Variants in PTPRD observed in about 807,000 individuals in gnomAD.
PTPRD encodes the protein receptor-type tyrosine-protein phosphatase delta.
PTPRD carries 34 observed loss-of-function variants against 214.5 expected under a neutral mutation model. The observed-to-expected ratio is 0.16, with a 90% CI of 0.12 to 0.21. The LOEUF (loss-of-function observed/expected upper bound fraction) is 0.21, where lower values mean the gene tolerates loss of function less well. Among genes scored for constraint, PTPRD ranks in the 10% least tolerant of loss-of-function variants. PTPRD has a pLI of 1.00. For missense variants in PTPRD, 2,545 were observed against 2,398.7 expected, an observed-to-expected ratio of 1.06 and a Z score of -1.27; for synonymous variants, 1,128 against 845.7, an observed-to-expected ratio of 1.33 and a Z score of -5.79.
At chr9:9,666,395 C>T (rs866516044) in intron 7 of PTPRD, among the ~76,000 whole-genome samples, 1 of 151,818 alleles carries the variant, frequency 6.6e-6, no homozygotes, top group African/African-American at 2.4e-5. Context: ...GTATAACTTG[C>T]AAAATTTGTC....
At chr9:10,052,992 A>G (rs1029565962) in intron 3 of PTPRD, among the ~76,000 whole-genome samples, 1 of 152,196 alleles carries the variant, frequency 6.6e-6, no homozygotes, top group African/African-American at 2.4e-5. Flanking sequence ...ATAACTATCT[A>G]AGTGGCATTC....
intron 11 of PTPRD, among the ~76,000 whole-genome samples, chr9:8,786,500 T>A (rs1426099194): frequency 6.9e-6 from 1 of 145,776 alleles, no homozygotes; most frequent in Non-Finnish European, 1.5e-5. Context: ...AACCTTCGCT[T>A]CCCGGGTTCA....
In PTPRD at chr9:10,239,604, T is replaced by A. The variant is rs575235889; in HGVS notation, c.-545+101359A>T. Reference sequence around the variant, plus strand: ...CAAGTCTAATAGGGTTGATAACAGCTGTGATAGCAGAATAATAATAATGAA... The same window carrying A: ...CAAGTCTAATAGGGTTGATAACAGCAGTGATAGCAGAATAATAATAATGAA... On this transcript the variant is annotated intron_variant, in intron 3 of 45. Coordinates refer to ENST00000381196, the MANE Select transcript of PTPRD (RefSeq NM_002839.4). Among the ~76,000 whole-genome samples, 3 of 99,352 alleles carry A rather than the reference T, an allele frequency of 3.0e-5. No homozygotes were observed. The Admixed American group carries it at 3.1e-4, about 10-fold the overall frequency. The allele number at this position is 99,352 out of a possible 152,430, so 65.2% of individuals were successfully genotyped here. A position where few individuals can be genotyped will look rare whatever the true frequency, so the allele number is the denominator to read the frequency against.
chr9:9,572,848 C>A (rs924911829), intron 8 of PTPRD, among the ~76,000 whole-genome samples: 1 of 150,942 alleles, frequency 6.6e-6, no homozygotes, highest in African/African-American at 2.4e-5. Flanking sequence ...ATTATAATAC[C>A]CCTATTCACA....
At chr9:8,741,023 G>T (rs2091781411) in intron 11 of PTPRD, among the ~76,000 whole-genome samples, 1 of 152,138 alleles carries the variant, frequency 6.6e-6, no homozygotes. Context: ...TTTTTCTATA[G>T]TTTATGATTC....
chr9:10,052,234 C>A (rs989781140), intron 3 of PTPRD, among the ~76,000 whole-genome samples: 1 of 152,150 alleles, frequency 6.6e-6, no homozygotes, highest in African/African-American at 2.4e-5. Context: ...GCTGCTTCAC[C>A]TGCCTTTACA....
chr9:8,321,930 C>G (rs79080508), intron 44 of PTPRD, among the ~76,000 whole-genome samples: 2,303 of 152,126 alleles, frequency 0.015, 22 homozygotes, highest in African/African-American at 0.032. Flanking sequence ...TCCACCAGCA[C>G]ATACTTGGTT....
chr9:8,624,476 T>C (rs1179561698), intron 14 of PTPRD, among the ~76,000 whole-genome samples: 5 of 151,830 alleles, frequency 3.3e-5, no homozygotes, highest in Admixed American at 1.3e-4. Flanking sequence ...AATTACTATG[T>C]GCCTAGCACT....
At chr9:8,523,674 A>C in intron 18 of PTPRD, 150 bp from the exon 19 acceptor site, 9 of 800,954 alleles carry the variant, frequency 1.1e-5, no homozygotes, top group South Asian at 1.8e-5. Flanking sequence ...TTCCTATCTC[A>C]GCTGGAAAAG....
intron 4 of PTPRD, among the ~76,000 whole-genome samples, chr9:9,970,442 AAG>A (rs2095026807): frequency 1.8e-5 from 2 of 109,024 alleles, no homozygotes; most frequent in South Asian, 2.7e-4. Context: ...AAAAAAAAAA[AAG>A]AAAAAGAAAA....
At chr9:10,388,932 C>T (rs1483327672) in intron 2 of PTPRD, among the ~76,000 whole-genome samples, 2 of 151,736 alleles carry the variant, frequency 1.3e-5, no homozygotes, top group East Asian at 1.9e-4. Flanking sequence ...AGGTGTTAAA[C>T]ATCAAATGAA....
chr9:10,412,108 G>A (rs1340638772), intron 2 of PTPRD, among the ~76,000 whole-genome samples: 1 of 151,712 alleles, frequency 6.6e-6, no homozygotes, highest in African/African-American at 2.4e-5. Context: ...ATTAGAAACA[G>A]CCTGAGGGAA....
chr9:9,740,570 C>T (rs1453331730), intron 6 of PTPRD, among the ~76,000 whole-genome samples: 1 of 151,984 alleles, frequency 6.6e-6, no homozygotes, highest in Admixed American at 6.6e-5. Flanking sequence ...ACCGTGTTAG[C>T]CAGGATGGTC....
intron 3 of PTPRD, among the ~76,000 whole-genome samples, chr9:10,295,899 G>A (rs532135894): frequency 3.4e-4 from 52 of 152,110 alleles, no homozygotes; most frequent in African/African-American, 1.2e-3. Flanking sequence ...AGATGGAAGG[G>A]AGAGCAATTA....
At chr9:8,894,698 G>C (rs1234142905) in intron 11 of PTPRD, among the ~76,000 whole-genome samples, 1 of 152,162 alleles carries the variant, frequency 6.6e-6, no homozygotes, top group Non-Finnish European at 1.5e-5. Context: ...AACAAAGTGT[G>C]TGAAAATGCC....
chr9:8,783,979 G>C (rs2095841708), intron 11 of PTPRD, among the ~76,000 whole-genome samples: 1 of 152,104 alleles, frequency 6.6e-6, no homozygotes, highest in Admixed American at 6.5e-5. Context: ...CGAAAGGGTT[G>C]TGCGCCTGAC....
intron 11 of PTPRD, among the ~76,000 whole-genome samples, chr9:8,825,481 T>C (rs924658666): frequency 6.6e-6 from 1 of 152,292 alleles, no homozygotes; most frequent in East Asian, 1.9e-4. Context: ...CTCTAAATTT[T>C]TTTATAGGAG....
intron 8 of PTPRD, among the ~76,000 whole-genome samples, chr9:9,495,907 G>C (rs1183890775): frequency 6.6e-6 from 1 of 152,154 alleles, no homozygotes; most frequent in African/African-American, 2.4e-5. Context: ...ACAGAACACT[G>C]TAACACCCCT....
chr9:10,208,785 T>A (rs1564537324), intron 3 of PTPRD, among the ~76,000 whole-genome samples: 1 of 152,138 alleles, frequency 6.6e-6, no homozygotes, highest in Non-Finnish European at 1.5e-5. Context: ...TAAGCCACTA[T>A]CTTGAGTAAA....
Sources: gnomAD v4.1 joint callset for allele counts (sites outside exome capture counted in the v4.1 genomes callset) on GRCh38, gnomAD v4.1.1 for gene constraint, MANE v1.5 for transcripts, NCBI Gene and HGNC (gene_info 2026-07-23, HGNC 2026-07-21) for gene names.